INPP5D: variants seen among roughly 807,000 people sequenced by gnomAD.
The protein encoded by INPP5D is phosphatidylinositol 3,4,5-trisphosphate 5-phosphatase 1.
INPP5D carries 33 observed loss-of-function variants against 122.9 expected under a neutral mutation model. The observed-to-expected ratio is 0.27, with a 90% CI of 0.20 to 0.36. INPP5D has a LOEUF of 0.36. Among genes scored for constraint, INPP5D ranks in the 10% least tolerant of loss-of-function variants. The probability of loss-of-function intolerance (pLI) is 1.00; values close to 1 mark genes in which losing one functional copy is unlikely to be tolerated. For missense variants in INPP5D, 1,053 were observed against 1,412.7 expected (o/e 0.75, Z 4.08); for synonymous variants, 584 against 576.2 (o/e 1.01, Z -0.19).
At chr2:233,104,907 G>A (rs896061606) in intron 2 of INPP5D, among the ~76,000 whole-genome samples, 1 of 152,118 alleles carries the variant, frequency 6.6e-6, no homozygotes, top group Non-Finnish European at 1.5e-5. Flanking sequence ...GGGAAGAGGG[G>A]GAAACCAGGT....
chr2:233,152,663 T>C (rs1693950116), intron 9 of INPP5D, among the ~76,000 whole-genome samples: 1 of 152,118 alleles, frequency 6.6e-6, no homozygotes, highest in East Asian at 1.9e-4. Flanking sequence ...AGGAAGATGC[T>C]GGCTGTGCCC....
chr2:233,090,763 G>A (rs1394795587), intron 2 of INPP5D, among the ~76,000 whole-genome samples: 1 of 152,114 alleles, frequency 6.6e-6, no homozygotes, highest in Non-Finnish European at 1.5e-5. Context: ...TTCGAGACCA[G>A]CCTGGCCAAC....
intron 4 of INPP5D, among the ~76,000 whole-genome samples, 187 bp from the exon 5 acceptor site, chr2:233,130,321 C>A (rs73105545): frequency 0.012 from 1,863 of 152,272 alleles, 13 homozygotes; most frequent in African/African-American, 0.021. Context: ...TTGCTCTGAC[C>A]TGCTAATCTA....
At chr2:233,182,813 G>A (rs975729924) in intron 19 of INPP5D, among the ~76,000 whole-genome samples, 3 of 152,002 alleles carry the variant, frequency 2.0e-5, no homozygotes, top group Admixed American at 6.6e-5. Context: ...GGAGGAGGGG[G>A]CGGGGGACAT....
chr2:233,071,219 G>T (rs1243525714), intron 1 of INPP5D, among the ~76,000 whole-genome samples: 4 of 152,060 alleles, frequency 2.6e-5, no homozygotes, highest in Admixed American at 1.3e-4. Flanking sequence ...AACCCAGGAG[G>T]CAGAGGTTGC....
At chr2:233,109,024 A>T (rs866523681) in intron 2 of INPP5D, among the ~76,000 whole-genome samples, 2 of 152,106 alleles carry the variant, frequency 1.3e-5, no homozygotes, top group South Asian at 4.1e-4. Context: ...TCCAGAAGCT[A>T]AATCAAGCCA....
At position 233,171,143 on chromosome 2, in the gene INPP5D, A is replaced by G; in HGVS notation, c.1980A>G (p.Lys660=). The G allele has an allele frequency of 1.2e-6, 2 of 1,611,128 alleles. No homozygotes were observed. The highest frequency in any genetic ancestry group is 1.7e-6 in the Non-Finnish European group (2 of 1,178,524). The change falls in exon 17 of 27, where the codon AAA becomes AAG. Residue 660 remains lysine, a synonymous_variant. Transcript: ENST00000445964. Reference sequence around the variant, plus strand: ...ACAAATACGCCTACACCAAGCAGAAAGCGACAGGGGTGAGTCCTCTTCATA... The same window carrying G: ...ACAAATACGCCTACACCAAGCAGAAGGCGACAGGGGTGAGTCCTCTTCATA... ...TRDKYAYTKQ[K]ATGMKYNLPS...
At chr2:233,130,748 C>T in intron 5 of INPP5D, 100 bp downstream of exon 5, 1 of 1,228,102 alleles carries the variant, frequency 8.1e-7, no homozygotes. Context: ...TGAACAAATG[C>T]CTCTGCCGCA....
intron 2 of INPP5D, among the ~76,000 whole-genome samples, chr2:233,116,999 G>A (rs1345516475): frequency 1.1e-4 from 16 of 152,164 alleles, no homozygotes; most frequent in East Asian, 1.9e-4. Flanking sequence ...ACCTGCTAAC[G>A]GGCGGAGGCG....
At chr2:233,173,794 G>A (rs150832047) in intron 17 of INPP5D, among the ~76,000 whole-genome samples, 248 of 152,194 alleles carry the variant, frequency 1.6e-3, no homozygotes, top group Non-Finnish European at 2.8e-3. Context: ...TTAGCTAGGC[G>A]TAGTGGTGTG....
intron 19 of INPP5D, among the ~76,000 whole-genome samples, chr2:233,183,000 C>T (rs886864380): frequency 1.3e-5 from 2 of 152,042 alleles, no homozygotes; most frequent in East Asian, 1.9e-4. Flanking sequence ...AGCACAGGTG[C>T]GTGGTAGGCA....
intron 3 of INPP5D, among the ~76,000 whole-genome samples, chr2:233,125,368 C>T (rs907175248): frequency 1.9e-4 from 29 of 152,210 alleles, no homozygotes; most frequent in African/African-American, 7.0e-4. Context: ...CTCTGCCTAG[C>T]CCAGGGCTCA....
chr2:233,125,208 G>A (rs1693121963), intron 3 of INPP5D, among the ~76,000 whole-genome samples: 1 of 152,254 alleles, frequency 6.6e-6, no homozygotes, highest in Non-Finnish European at 1.5e-5. Flanking sequence ...TCTTTTATGT[G>A]TTTCTGAGAG....
At chr2:233,147,738 G>C in intron 9 of INPP5D, 144 bp downstream of exon 9, 1 of 609,496 alleles carries the variant, frequency 1.6e-6, no homozygotes, top group Non-Finnish European at 3.0e-6. Flanking sequence ...GTGTGTGTGT[G>C]TGTCTCTTCT....
At chr2:233,108,859 G>A (rs1314729975) in intron 2 of INPP5D, among the ~76,000 whole-genome samples, 1 of 152,312 alleles carries the variant, frequency 6.6e-6, no homozygotes, top group East Asian at 1.9e-4. Context: ...CCCAGCCTAG[G>A]GCTCTGTGCC....
chr2:233,158,064 T>C (rs986440198), intron 9 of INPP5D, among the ~76,000 whole-genome samples: 1 of 152,036 alleles, frequency 6.6e-6, no homozygotes, highest in South Asian at 2.1e-4. Context: ...GGGAGAAAGA[T>C]GAAAAGACGA....
chr2:233,099,182 C>T (rs1047056186), intron 2 of INPP5D, among the ~76,000 whole-genome samples: 1 of 152,192 alleles, frequency 6.6e-6, no homozygotes, highest in Non-Finnish European at 1.5e-5. Flanking sequence ...AACTCCTGAC[C>T]TCAGGTGATT....
chr2:233,086,326 C>T (rs1422204760), intron 2 of INPP5D, among the ~76,000 whole-genome samples: 1 of 151,900 alleles, frequency 6.6e-6, no homozygotes, highest in Non-Finnish European at 1.5e-5. Flanking sequence ...TTACAGGCAC[C>T]TGCCACCATG....
intron 5 of INPP5D, among the ~76,000 whole-genome samples, chr2:233,137,854 ATATATATATATAT>A (rs1216339073): frequency 0.064 from 568 of 8,902 alleles, 48 homozygotes; most frequent in Middle Eastern, 0.17. Context: ...AAAAAAAAAA[ATATATATATATAT>A]ATATATATAT....
Sources: allele counts gnomAD v4.1 joint callset (sites outside exome capture counted in the v4.1 genomes callset), GRCh38; gene constraint gnomAD v4.1.1; transcripts MANE v1.5; gene names NCBI Gene and HGNC (gene_info 2026-07-23, HGNC 2026-07-21).